The following SNX9 variants were observed in gnomAD, a reference collection of about 807,000 sequenced individuals.
SNX9 encodes the protein sorting nexin-9.
A neutral mutation model predicts 89.4 loss-of-function variants in SNX9; 44 were observed. That is an observed-to-expected ratio of 0.49 (90% CI 0.39 to 0.63). SNX9 has a LOEUF of 0.63. SNX9 is among the 30% of genes least tolerant of loss of function. The pLI is 0.00. For synonymous variants in SNX9, 236 were observed against 247.8 expected, an observed-to-expected ratio of 0.95 and a Z score of 0.45; for missense variants, 578 against 736.1, an observed-to-expected ratio of 0.79 and a Z score of 2.49.
At chr6:157,888,711 A>AGTTATTAAATATT (rs1782789467) in intron 4 of SNX9, among the ~76,000 whole-genome samples, 2 of 152,218 alleles carry the variant, frequency 1.3e-5, no homozygotes, top group South Asian at 4.1e-4. Context: ...ATAAACCCTA[A>AGTTATTAAATATT]AAGTCATCTT....
In SNX9 at chr6:157,896,899, T is replaced by C; in HGVS notation, c.373T>C (p.Trp125Arg). The change falls in exon 5 of 18, where the codon TGG becomes CGG. Residue 125 changes from tryptophan (W) to arginine (R), a missense_variant. By Grantham distance (101) the Trp-to-Arg change is moderately radical. Around this residue, in one of 2 missense-constraint regions of SNX9, gnomAD observed 230 missense variants for 244.7 expected, o/e 0.94. Coordinates refer to ENST00000392185, the MANE Select transcript of SNX9 (RefSeq NM_016224.5). ...KSGNWESSEG[W>R]GAQPEGAGAQ... ...TGGGAACTGGGAAAGCTCAGAAGGC[T>C]GGGGGGCCCAGCCAGAGGGGGCTGG... The C allele has an allele frequency of 6.2e-7, 1 of 1,613,590 alleles. No homozygotes were observed. Among genetic ancestry groups the C allele is most frequent in the African/African-American group, 1.3e-5 (1 of 74,970 alleles).
intron 7 of SNX9, 87 bp downstream of exon 7, chr6:157,906,299 T>C: frequency 9.6e-7 from 1 of 1,040,508 alleles, no homozygotes; most frequent in Admixed American, 2.9e-5. Flanking sequence ...ATTCATCTTT[T>C]GGAAAGTATT....
At chr6:157,897,307 C>T (rs1783000467) in intron 5 of SNX9, among the ~76,000 whole-genome samples, 1 of 152,098 alleles carries the variant, frequency 6.6e-6, no homozygotes, top group Non-Finnish European at 1.5e-5. Context: ...TTACTACTGT[C>T]AGTTTATTAC....
intron 1 of SNX9, among the ~76,000 whole-genome samples, chr6:157,826,849 T>TATATATAAATATATATTATATTTTATATA (rs1781362547): frequency 1.6e-4 from 7 of 44,240 alleles, no homozygotes; most frequent in East Asian, 5.2e-4. Flanking sequence ...TATTATATTT[T>TATATATAAATATATATTATATTTTATATA]ATATATAAAT....
chr6:157,922,339 C>A (rs1297261695), intron 10 of SNX9, among the ~76,000 whole-genome samples: 2 of 152,244 alleles, frequency 1.3e-5, no homozygotes, highest in Non-Finnish European at 1.5e-5. Context: ...TCCACAATTT[C>A]TCTCAACAAA....
At chr6:157,942,395 G>T (rs1468500159) in intron 17 of SNX9, among the ~76,000 whole-genome samples, 1 of 152,230 alleles carries the variant, frequency 6.6e-6, no homozygotes, top group East Asian at 1.9e-4. Context: ...GTGACAGCAG[G>T]GTGTGGCCAG....
chr6:157,890,938 C>T (rs1424605606), intron 4 of SNX9, among the ~76,000 whole-genome samples: 1 of 151,980 alleles, frequency 6.6e-6, no homozygotes, highest in African/African-American at 2.4e-5. Flanking sequence ...ATCTCCTGTG[C>T]CTGTCTGTAT....
intron 9 of SNX9, among the ~76,000 whole-genome samples, chr6:157,915,389 C>T (rs915402563): frequency 6.6e-6 from 1 of 151,936 alleles, no homozygotes; most frequent in African/African-American, 2.4e-5. Flanking sequence ...ATCTTGATAT[C>T]TCATCTTTTA....
chr6:157,884,748 A>G (rs576982358), intron 4 of SNX9, among the ~76,000 whole-genome samples: 4 of 152,330 alleles, frequency 2.6e-5, no homozygotes, highest in Middle Eastern at 6.8e-3. Context: ...CCTGACATCT[A>G]TGAGACAGCT....
chr6:157,871,832 G>C (rs9347725), intron 2 of SNX9, among the ~76,000 whole-genome samples: 7,345 of 147,964 alleles, frequency 0.05, 209 homozygotes, highest in East Asian at 0.11. Context: ...GCTGGAGTGA[G>C]GTGGTGTGAT....
At chr6:157,861,741 T>A (rs1002464971) in intron 1 of SNX9, among the ~76,000 whole-genome samples, 2 of 152,210 alleles carry the variant, frequency 1.3e-5, no homozygotes, top group Non-Finnish European at 2.9e-5. Flanking sequence ...GTGTGTACTA[T>A]GTTTTTTCTA....
chr6:157,896,246 T>G (rs1378687341), intron 4 of SNX9, among the ~76,000 whole-genome samples: 2 of 152,254 alleles, frequency 1.3e-5, no homozygotes, highest in African/African-American at 2.4e-5. Flanking sequence ...TTTCTCAAAT[T>G]GCATATACTT....
intron 9 of SNX9, among the ~76,000 whole-genome samples, chr6:157,911,072 C>T (rs1783332174): frequency 6.6e-6 from 1 of 152,012 alleles, no homozygotes; most frequent in Admixed American, 6.6e-5. Flanking sequence ...GAGATTGCGC[C>T]ACCGCACTCC....
rs141939312 is a variant in SNX9 at position 157,866,942 on chromosome 6, G to GTGTT, written c.13-591_13-588dup. Among the ~76,000 whole-genome samples the GTGTT allele has an allele frequency of 5.4e-3, 820 of 152,070 alleles. 8 individuals carry two copies. The highest frequency in any genetic ancestry group is 0.019 in the African/African-American group (774 of 41,460). On this transcript the variant is annotated intron_variant, in intron 1 of 17. Transcript: ENST00000392185. ...TCTGTTGTTGTTGTTAATGAAATAG[G>GTGTT]TGTTTGTTTGTTTGTTTTTTTAAGA...
chr6:157,918,203 G>C (rs1256446388), intron 9 of SNX9, among the ~76,000 whole-genome samples: 1 of 152,040 alleles, frequency 6.6e-6, no homozygotes, highest in African/African-American at 2.4e-5. Flanking sequence ...TGAGTATCGG[G>C]TATTGAAATT....
chr6:157,906,519 G>A (rs1176311965), intron 7 of SNX9, among the ~76,000 whole-genome samples: 1 of 152,044 alleles, frequency 6.6e-6, no homozygotes, highest in African/African-American at 2.4e-5. Flanking sequence ...AGCCCTATAT[G>A]TTTAACTGAT....
At position 157,823,421 on chromosome 6, in the gene SNX9, G is replaced by T; in HGVS notation, c.-14G>T. 8.0e-7 allele frequency: 1 copy of T among 1,251,184 alleles called. No homozygotes were observed. The highest frequency in any genetic ancestry group is 2.4e-5 in the South Asian group (1 of 42,014). The allele number at this position is 1,251,184 out of a possible 1,614,324, so 77.5% of individuals were successfully genotyped here. Reference sequence around the variant, plus strand: ...AGACGAGCCGGCCGTCCCGGGCCGGGGGACCCGCCCGCCATGGCCACCAAG... The same window carrying T: ...AGACGAGCCGGCCGTCCCGGGCCGGTGGACCCGCCCGCCATGGCCACCAAG... On this transcript the variant is annotated 5_prime_UTR_variant, in exon 1 of 18. Transcript: ENST00000392185. The surrounding 1 kb of genome is among the most constrained non-coding windows in gnomAD (Gnocchi z 4.6).
chr6:157,862,744 C>G (rs570018504), intron 1 of SNX9, among the ~76,000 whole-genome samples: 5 of 151,918 alleles, frequency 3.3e-5, no homozygotes, highest in African/African-American at 1.2e-4. Context: ...ATTTTAGGAT[C>G]TAGTTTTTTG....
intron 3 of SNX9, among the ~76,000 whole-genome samples, chr6:157,873,942 G>A (rs931301569): frequency 2.0e-5 from 3 of 152,152 alleles, no homozygotes; most frequent in Non-Finnish European, 4.4e-5. Flanking sequence ...TTGTCTTTCG[G>A]TCCCTCCAAA....
Sources: allele counts gnomAD v4.1 joint callset (sites outside exome capture counted in the v4.1 genomes callset), GRCh38; gene constraint gnomAD v4.1.1; regional missense constraint gnomAD v4.1.1; non-coding constraint Gnocchi (gnomAD v3.1); transcripts MANE v1.5; gene names NCBI Gene and HGNC (gene_info 2026-07-23, HGNC 2026-07-21).